The following CORIN variants were observed in gnomAD, a reference collection of about 807,000 sequenced individuals.
CORIN encodes the protein atrial natriuretic peptide-converting enzyme.
CORIN carries 117 observed loss-of-function variants against 125.3 expected under a neutral mutation model. That is an observed-to-expected ratio of 0.93 (90% CI 0.80 to 1.09). The LOEUF (loss-of-function observed/expected upper bound fraction) is 1.09. CORIN is among the 50% of genes least tolerant of loss of function. The pLI is 0.00. For missense variants in CORIN, 1,253 were observed against 1,306.7 expected, an observed-to-expected ratio of 0.96 and a Z score of 0.63; for synonymous variants, 450 against 466.4, an observed-to-expected ratio of 0.96 and a Z score of 0.45.
At chr4:47,734,187 C>T (rs1330688672) in intron 5 of CORIN, among the ~76,000 whole-genome samples, 1 of 152,118 alleles carries the variant, frequency 6.6e-6, no homozygotes, top group Non-Finnish European at 1.5e-5. Flanking sequence ...TGGAGATTTA[C>T]TCTGAAAGCA....
chr4:47,721,636 C>T (rs1042878531), intron 5 of CORIN, among the ~76,000 whole-genome samples: 3 of 152,126 alleles, frequency 2.0e-5, no homozygotes, highest in African/African-American at 7.2e-5. Context: ...CTTGGGGTTA[C>T]GGTTTCAGCA....
intron 14 of CORIN, 133 bp downstream of exon 14, chr4:47,644,948 G>C: frequency 1.8e-6 from 1 of 543,970 alleles, no homozygotes; most frequent in South Asian, 2.8e-5. Context: ...TACAAGTGGA[G>C]TTTGATCAAA....
chr4:47,748,908 A>T (rs1448599665), intron 4 of CORIN, among the ~76,000 whole-genome samples: 2 of 152,164 alleles, frequency 1.3e-5, no homozygotes, highest in Non-Finnish European at 2.9e-5. Flanking sequence ...CACTAAGGTA[A>T]ACATCTTACA....
At chr4:47,762,136 G>T (rs1729493616) in intron 4 of CORIN, among the ~76,000 whole-genome samples, 2 of 152,022 alleles carry the variant, frequency 1.3e-5, no homozygotes, top group African/African-American at 4.8e-5. Context: ...ATGTGTATGT[G>T]TAGTATTCTT....
chr4:47,627,622 C>T (rs1431728542), intron 16 of CORIN, among the ~76,000 whole-genome samples: 1 of 152,016 alleles, frequency 6.6e-6, no homozygotes, highest in Non-Finnish European at 1.5e-5. Context: ...CAAAATGAAT[C>T]CGGCTCTCCA....
At chr4:47,773,028 T>A (rs4695275) in intron 3 of CORIN, among the ~76,000 whole-genome samples, 23,081 of 152,066 alleles carry the variant, frequency 0.15, 2,495 homozygotes, top group African/African-American at 0.3. Context: ...AATTTTTTTT[T>A]AAAAAAGTAA....
intron 21 of CORIN, among the ~76,000 whole-genome samples, chr4:47,596,613 A>G (rs1721259266): frequency 6.6e-6 from 1 of 152,192 alleles, no homozygotes; most frequent in South Asian, 2.1e-4. Context: ...GGCATTAGAG[A>G]TAGCAATACT....
intron 2 of CORIN, among the ~76,000 whole-genome samples, chr4:47,803,735 C>T (rs747460532): frequency 1.3e-5 from 2 of 152,204 alleles, no homozygotes; most frequent in Non-Finnish European, 1.5e-5. Flanking sequence ...AAATATAAGA[C>T]TTCAAACTAT....
chr4:47,709,424 C>T (rs1053787924), intron 5 of CORIN, among the ~76,000 whole-genome samples: 3 of 152,082 alleles, frequency 2.0e-5, no homozygotes, highest in African/African-American at 7.2e-5. Context: ...CCCCAAGTAG[C>T]TGGGACGACA....
At chr4:47,723,820 C>A (rs1018888407) in intron 5 of CORIN, among the ~76,000 whole-genome samples, 12 of 151,734 alleles carry the variant, frequency 7.9e-5, no homozygotes, top group African/African-American at 2.9e-4. Flanking sequence ...CACGGTGAAA[C>A]CCTGTCTCTA....
intron 5 of CORIN, among the ~76,000 whole-genome samples, chr4:47,735,521 G>T (rs917604565): frequency 6.6e-6 from 1 of 152,028 alleles, no homozygotes; most frequent in Non-Finnish European, 1.5e-5. Flanking sequence ...ATCTTTCTAA[G>T]ATTTTTTCCA....
intron 5 of CORIN, 31 bp from the exon 6 acceptor site, chr4:47,693,114 A>T (rs1725844887): frequency 7.3e-7 from 1 of 1,379,180 alleles, no homozygotes. Flanking sequence ...ATAATGTCAG[A>T]ATAAGATGGG....
At chr4:47,642,572 C>G (rs1723277011) in intron 15 of CORIN, among the ~76,000 whole-genome samples, 1 of 152,218 alleles carries the variant, frequency 6.6e-6, no homozygotes, top group Admixed American at 6.6e-5. Context: ...ACATGAGAAT[C>G]ATGATTTGGC....
intron 5 of CORIN, among the ~76,000 whole-genome samples, chr4:47,730,182 A>G (rs1358761554): frequency 6.6e-6 from 1 of 152,150 alleles, no homozygotes; most frequent in East Asian, 1.9e-4. Flanking sequence ...GCAAATTTAA[A>G]AGAGCTTGCA....
At chr4:47,815,311 AT>A (rs199793420) in intron 1 of CORIN, among the ~76,000 whole-genome samples, 2 of 147,198 alleles carry the variant, frequency 1.4e-5, no homozygotes, top group African/African-American at 2.5e-5. Flanking sequence ...AAGAGTCCTG[AT>A]TTTTTTTTAA....
At chr4:47,761,204 G>A (rs1246810674) in intron 4 of CORIN, among the ~76,000 whole-genome samples, 3 of 152,198 alleles carry the variant, frequency 2.0e-5, no homozygotes. Flanking sequence ...TTGGGTGCAA[G>A]AGGCCTAGCT....
chr4:47,747,713 C>A (rs1728721963), intron 4 of CORIN, among the ~76,000 whole-genome samples: 3 of 152,162 alleles, frequency 2.0e-5, no homozygotes, highest in Admixed American at 2.0e-4. Flanking sequence ...GTCTATCACC[C>A]TGCAACTTTC....
chr4:47,710,108 T>C (rs962350042), intron 5 of CORIN, among the ~76,000 whole-genome samples: 1 of 152,230 alleles, frequency 6.6e-6, no homozygotes, highest in Non-Finnish European at 1.5e-5. Context: ...TGCTGAAAAT[T>C]GTGGAGATCG....
At chr4:47,692,454 A>G (rs1725812922) in intron 6 of CORIN, among the ~76,000 whole-genome samples, 3 of 152,110 alleles carry the variant, frequency 2.0e-5, no homozygotes, top group Non-Finnish European at 2.9e-5. Flanking sequence ...TGACTAATCA[A>G]TCAATGGGGA....
Sources: gnomAD v4.1 joint callset for allele counts (sites outside exome capture counted in the v4.1 genomes callset) on GRCh38, gnomAD v4.1.1 for gene constraint, MANE v1.5 for transcripts, NCBI Gene and HGNC (gene_info 2026-07-23, HGNC 2026-07-21) for gene names.